DSCAM: variants seen among roughly 807,000 people sequenced by gnomAD.
DSCAM encodes the protein DS cell adhesion molecule, also known as cell adhesion molecule DSCAM.
DSCAM carries 47 observed loss-of-function variants against 217.7 expected under a neutral mutation model. The observed-to-expected ratio is 0.22, with a 90% CI of 0.17 to 0.28. DSCAM has a LOEUF of 0.28. DSCAM is among the 10% of genes least tolerant of loss of function. DSCAM has a pLI of 1.00. For missense variants in DSCAM, 2,080 were observed against 2,618.3 expected (o/e 0.79, Z 4.49); for synonymous variants, 1,056 against 1,015.3 (o/e 1.04, Z -0.76).
intron 3 of DSCAM, among the ~76,000 whole-genome samples, chr21:40,491,411 T>C (rs2076075253): frequency 6.6e-6 from 1 of 152,142 alleles, no homozygotes; most frequent in Non-Finnish European, 1.5e-5. Context: ...TCTGGCAATT[T>C]TCCCTTGCAG....
intron 3 of DSCAM, among the ~76,000 whole-genome samples, chr21:40,533,682 C>T (rs1169142199): frequency 3.3e-5 from 5 of 150,560 alleles, no homozygotes; most frequent in Non-Finnish European, 7.4e-5. Flanking sequence ...TCTGTCCATC[C>T]ATCCATCCAT....
At chr21:40,809,003 C>T (rs973197779) in intron 1 of DSCAM, among the ~76,000 whole-genome samples, 3 of 152,146 alleles carry the variant, frequency 2.0e-5, no homozygotes, top group Non-Finnish European at 4.4e-5. Flanking sequence ...GACCCATTCC[C>T]ATGGTCAATC....
chr21:40,602,053 C>CTTTTTTTTTTTTT (rs761687929), intron 3 of DSCAM, among the ~76,000 whole-genome samples: 7 of 89,520 alleles, frequency 7.8e-5, no homozygotes, highest in African/African-American at 2.4e-4. Context: ...TCTGCTTCTA[C>CTTTTTTTTTTTTT]TTTTTTTTTT....
intron 3 of DSCAM, among the ~76,000 whole-genome samples, chr21:40,406,035 G>T (rs2075277021): frequency 6.6e-6 from 1 of 151,810 alleles, no homozygotes. Flanking sequence ...ATGGCCAAGG[G>T]GTATATGATA....
chr21:40,434,204 T>C (rs2075562753), intron 3 of DSCAM, among the ~76,000 whole-genome samples: 2 of 152,158 alleles, frequency 1.3e-5, no homozygotes, highest in African/African-American at 4.8e-5. Context: ...CAAACATTAA[T>C]GCCACACAAA....
At chr21:40,216,278 A>C (rs892679958) in intron 11 of DSCAM, among the ~76,000 whole-genome samples, 1 of 151,300 alleles carries the variant, frequency 6.6e-6, no homozygotes, top group African/African-American at 2.5e-5. Context: ...TAATTTAAAA[A>C]AAAAATTTTT....
intron 6 of DSCAM, among the ~76,000 whole-genome samples, chr21:40,344,947 A>G (rs1476609749): frequency 6.6e-6 from 1 of 152,154 alleles, no homozygotes; most frequent in Non-Finnish European, 1.5e-5. Flanking sequence ...TGAAGCTCTA[A>G]TCATTTTCTT....
chr21:40,310,326 T>G (rs2074123928), intron 9 of DSCAM, among the ~76,000 whole-genome samples: 1 of 152,220 alleles, frequency 6.6e-6, no homozygotes, highest in Non-Finnish European at 1.5e-5. Flanking sequence ...TCCCAGGAGA[T>G]TCTACAGAAC....
rs530083873 is a variant in DSCAM, at chr21:40,028,444, C to G, written c.5686+13927G>C. On this transcript the variant is annotated intron_variant, in intron 32 of 32. Coordinates refer to ENST00000400454, the MANE Select transcript of DSCAM (RefSeq NM_001389.5). ...TGGGCAATGGCGGGCCCCCCTCCCCCAGCCTGGCTGCCACCTTGCAGTTTG... is the reference window on the plus strand; with the variant it reads ...TGGGCAATGGCGGGCCCCCCTCCCCGAGCCTGGCTGCCACCTTGCAGTTTG... 8.1e-4 allele frequency among the ~76,000 whole-genome samples: 123 copies of G among 151,886 alleles called. 3 individuals are homozygous for G. The highest frequency in any genetic ancestry group is 1.7e-3 in the Non-Finnish European group (116 of 67,848).
intron 3 of DSCAM, among the ~76,000 whole-genome samples, chr21:40,402,367 C>T (rs2075244334): frequency 6.6e-6 from 1 of 151,654 alleles, no homozygotes; most frequent in Non-Finnish European, 1.5e-5. Flanking sequence ...CCACGCCCGG[C>T]TAAAATATAT....
intron 3 of DSCAM, among the ~76,000 whole-genome samples, chr21:40,455,051 T>G (rs1015121246): frequency 6.6e-6 from 1 of 152,176 alleles, no homozygotes; most frequent in Non-Finnish European, 1.5e-5. Context: ...CTAATCTAGT[T>G]ATGCTTTCCC....
At position 40,427,027 on chromosome 21, in the gene DSCAM, T is replaced by C. The variant is rs143987561; in HGVS notation, c.509-57782A>G. On this transcript the variant is annotated intron_variant, in intron 3 of 32. Transcript: ENST00000400454. ...CCCCGGGACCTGATGCTGTCAGCCGTCTGAGATACCAGAAGCTTGAGTGTT... is the reference window on the plus strand; with the variant it reads ...CCCCGGGACCTGATGCTGTCAGCCGCCTGAGATACCAGAAGCTTGAGTGTT... 2.3e-4 allele frequency among the ~76,000 whole-genome samples: 35 copies of C among 152,312 alleles called. No individual in the cohort carries two copies. The East Asian group carries it at 6.0e-3, about 26-fold the overall frequency.
At position 40,331,267 on chromosome 21, in the gene DSCAM, T is replaced by C. The variant is rs73355304; in HGVS notation, c.1783+6834A>G. ...AAGGTTGGAACAGCTAATGAGCAAA[T>C]GTCTGAAAGCAGGAGTGGGGAAACT... On this transcript the variant is annotated intron_variant, in intron 8 of 32. Transcript: ENST00000400454. Among the ~76,000 whole-genome samples the C allele has an allele frequency of 6.9e-3, 1,054 of 152,162 alleles. 12 individuals carry two copies. Among genetic ancestry groups the C allele is most frequent in the African/African-American group, 0.024 (998 of 41,520 alleles).
At chr21:40,163,176 G>A (rs1226502755) in intron 16 of DSCAM, among the ~76,000 whole-genome samples, 1 of 151,846 alleles carries the variant, frequency 6.6e-6, no homozygotes, top group African/African-American at 2.4e-5. Context: ...AGCTGATTCT[G>A]AGACTGATTA....
intron 1 of DSCAM, among the ~76,000 whole-genome samples, chr21:40,739,585 A>G (rs1388718098): frequency 6.6e-6 from 1 of 152,206 alleles, no homozygotes; most frequent in Non-Finnish European, 1.5e-5. Context: ...GTCAGACTGC[A>G]TTAGAGCCAA....
intron 19 of DSCAM, among the ~76,000 whole-genome samples, chr21:40,126,649 T>G (rs766226228): frequency 2.6e-5 from 4 of 152,226 alleles, no homozygotes; most frequent in Non-Finnish European, 5.9e-5. Context: ...TAAGTTAAAA[T>G]GCAACATTTC....
At position 40,082,438 on chromosome 21, in the gene DSCAM, C is replaced by T. The variant is rs1188418739; in HGVS notation, c.4231+1470G>A. ...TCGTGCCACTGCACTCCGGCCTGGG[C>T]GACAGAGTGAGACTCCGTCTCAACA... On this transcript the variant is annotated intron_variant, in intron 24 of 32. Coordinates refer to ENST00000400454, the MANE Select transcript of DSCAM (RefSeq NM_001389.5). 2.0e-5 allele frequency among the ~76,000 whole-genome samples: 3 copies of T among 152,094 alleles called. No individual in the cohort carries two copies. The South Asian group carries it at 6.2e-4, about 32-fold the overall frequency.
At chr21:40,811,072 G>A (rs1422878115) in intron 1 of DSCAM, among the ~76,000 whole-genome samples, 3 of 152,122 alleles carry the variant, frequency 2.0e-5, no homozygotes, top group Non-Finnish European at 2.9e-5. Flanking sequence ...GGAGGCCCTG[G>A]CACAGACTGT....
chr21:40,739,954 A>ATTTTTTTTTTTTTTTTTTTTTTTTT (rs56815777), intron 1 of DSCAM, among the ~76,000 whole-genome samples: 3 of 58,978 alleles, frequency 5.1e-5, no homozygotes, highest in African/African-American at 2.0e-4. Flanking sequence ...TGCAGGTGTA[A>ATTTTTTTTTTTTTTTTTTTTTTTTT]TTTTTTTTTT....
Sources: gnomAD v4.1 joint callset for allele counts (sites outside exome capture counted in the v4.1 genomes callset) on GRCh38, gnomAD v4.1.1 for gene constraint, MANE v1.5 for transcripts, NCBI Gene and HGNC (gene_info 2026-07-23, HGNC 2026-07-21) for gene names.